STAB2: variants seen among roughly 807,000 people sequenced by gnomAD.
STAB2 encodes the protein stabilin 2, also known as stabilin-2.
Under a neutral mutation model 338.1 loss-of-function variants are expected in STAB2, and 288 were observed. That is an observed-to-expected ratio of 0.85 (90% CI 0.77 to 0.94). The LOEUF (loss-of-function observed/expected upper bound fraction) is 0.94. Among genes scored for constraint, STAB2 ranks in the 40% least tolerant of loss-of-function variants. STAB2 has a pLI of 0.00. For synonymous variants in STAB2, 1,202 were observed against 1,193.3 expected (o/e 1.01, Z -0.15); for missense variants, 3,141 against 3,210.1 (o/e 0.98, Z 0.52).
At chr12:103,739,570 T>TGTGTGC in intron 54 of STAB2, 102 bp downstream of exon 54, 1 of 822,858 alleles carries the variant, frequency 1.2e-6, no homozygotes, top group Non-Finnish European at 1.7e-6. Context: ...TGTGTGTGTG[T>TGTGTGC]GTGCCCGTGC....
At chr12:103,676,628 T>A (rs951975942) in intron 24 of STAB2, among the ~76,000 whole-genome samples, 22 of 152,316 alleles carry the variant, frequency 1.4e-4, no homozygotes, top group Admixed American at 1.4e-3. Context: ...GGGAGTCAAG[T>A]GACCAAGTTC....
At chr12:103,602,625 T>C (rs1956969936) in intron 3 of STAB2, among the ~76,000 whole-genome samples, 1 of 152,260 alleles carries the variant, frequency 6.6e-6, no homozygotes, top group South Asian at 2.1e-4. Context: ...GCATCCTTGC[T>C]AGCAATTGCT....
At chr12:103,636,518 T>A (rs938276319) in intron 6 of STAB2, among the ~76,000 whole-genome samples, 4 of 151,954 alleles carry the variant, frequency 2.6e-5, no homozygotes, top group Non-Finnish European at 5.9e-5. Context: ...ACCCACTGCA[T>A]GTACATGTCT....
At chr12:103,594,836 T>C (rs1956852172) in intron 3 of STAB2, among the ~76,000 whole-genome samples, 1 of 152,184 alleles carries the variant, frequency 6.6e-6, no homozygotes, top group Non-Finnish European at 1.5e-5. Context: ...CAAATACAAT[T>C]TTCTTTAAGA....
intron 61 of STAB2, among the ~76,000 whole-genome samples, chr12:103,754,472 T>C (rs1009429345): frequency 3.3e-5 from 5 of 152,134 alleles, no homozygotes; most frequent in South Asian, 2.1e-4. Context: ...ATAGGGTTGA[T>C]TGAGAGTTAA....
intron 48 of STAB2, among the ~76,000 whole-genome samples, chr12:103,729,508 C>G (rs1304441193): frequency 6.6e-6 from 1 of 152,112 alleles, no homozygotes; most frequent in Non-Finnish European, 1.5e-5. Context: ...ATTTAATCTG[C>G]AAAATACTCC....
At chr12:103,592,272 AT>A (rs1956811206) in intron 2 of STAB2, 1 of 151,226 alleles carries the variant, frequency 6.6e-6, no homozygotes, top group African/African-American at 2.4e-5. Context: ...AGAAAAAAAA[AT>A]TAGCAAGCAT....
At chr12:103,725,583 CGTGT>C (rs558725635) in intron 45 of STAB2, among the ~76,000 whole-genome samples, 2 of 151,276 alleles carry the variant, frequency 1.3e-5, no homozygotes, top group Non-Finnish European at 2.9e-5. Context: ...TGTGTGTACA[CGTGT>C]GTGTGCATGT....
chr12:103,679,511 C>T (rs189320445), intron 25 of STAB2, among the ~76,000 whole-genome samples: 87 of 152,256 alleles, frequency 5.7e-4, no homozygotes, highest in African/African-American at 1.9e-3. Context: ...CACACTACAC[C>T]CAGGCAAATC....
intron 27 of STAB2, among the ~76,000 whole-genome samples, chr12:103,686,573 T>C (rs528991124): frequency 1.2e-4 from 19 of 152,302 alleles, no homozygotes; most frequent in African/African-American, 4.6e-4. Flanking sequence ...GGCATGATTA[T>C]GGCTCACTGC....
intron 9 of STAB2, among the ~76,000 whole-genome samples, chr12:103,643,206 C>T (rs751494927): frequency 6.6e-6 from 1 of 152,022 alleles, no homozygotes; most frequent in Non-Finnish European, 1.5e-5. Flanking sequence ...ATTCATGAGG[C>T]CTTTACTTTC....
At position 103,704,628 on chromosome 12, in the gene STAB2, C is replaced by T; in HGVS notation, c.3900+14C>T. On this transcript the variant is annotated intron_variant, in intron 36 of 68. Coordinates refer to ENST00000388887, the MANE Select transcript of STAB2 (RefSeq NM_017564.10). ...ACTAAATCTCTAGTAAGTACTTTGT[C>T]TGTTTTGATAAAATAGTTTCCAGAT... The T allele has an allele frequency of 6.2e-7, 1 of 1,612,934 alleles. No homozygotes were observed. The highest frequency in any genetic ancestry group is 8.5e-7 in the Non-Finnish European group (1 of 1,179,462).
intron 9 of STAB2, among the ~76,000 whole-genome samples, chr12:103,644,825 C>T (rs1002598289): frequency 9.2e-5 from 14 of 152,230 alleles, no homozygotes; most frequent in Admixed American, 7.2e-4. Flanking sequence ...TTGTTTGTAG[C>T]ACAAAGGATA....
chr12:103,747,559 T>C (rs1883165027), intron 58 of STAB2, among the ~76,000 whole-genome samples: 1 of 101,244 alleles, frequency 9.9e-6, no homozygotes, highest in Non-Finnish European at 2.1e-5. Context: ...GAATGCAAAC[T>C]AGGAATTGTT....
intron 61 of STAB2, 152 bp from the exon 62 acceptor site, chr12:103,755,150 T>C: frequency 9.6e-7 from 1 of 1,040,324 alleles, no homozygotes; most frequent in Non-Finnish European, 1.4e-6. Flanking sequence ...CAACATCTAA[T>C]GACCACCTAC....
At chr12:103,611,562 T>G (rs1360841402) in intron 3 of STAB2, among the ~76,000 whole-genome samples, 1 of 152,232 alleles carries the variant, frequency 6.6e-6, no homozygotes, top group Admixed American at 6.5e-5. Flanking sequence ...TCCATCCCTT[T>G]ATTTTGAGGC....
At chr12:103,667,011 TTGG>T (rs1875171823) in intron 19 of STAB2, among the ~76,000 whole-genome samples, 2 of 152,170 alleles carry the variant, frequency 1.3e-5, no homozygotes, top group Admixed American at 1.3e-4. Context: ...AAGGACTCTA[TTGG>T]TGGTAAAAAG....
At chr12:103,618,911 C>T (rs920806498) in intron 3 of STAB2, among the ~76,000 whole-genome samples, 3 of 152,072 alleles carry the variant, frequency 2.0e-5, no homozygotes, top group African/African-American at 2.4e-5. Context: ...TGGGGGCGGG[C>T]CTTTCCCATG....
intron 18 of STAB2, among the ~76,000 whole-genome samples, chr12:103,663,909 T>C (rs1874840900): frequency 6.6e-6 from 1 of 152,200 alleles, no homozygotes; most frequent in Admixed American, 6.5e-5. Context: ...CCCCTGTCCC[T>C]GTCATCTGGG....
Sources: gnomAD v4.1 joint callset for allele counts (sites outside exome capture counted in the v4.1 genomes callset) on GRCh38, gnomAD v4.1.1 for gene constraint, MANE v1.5 for transcripts, NCBI Gene and HGNC (gene_info 2026-07-23, HGNC 2026-07-21) for gene names.